The following DGKG variants were observed in gnomAD, a reference collection of about 807,000 sequenced individuals.
DGKG encodes the protein diacylglycerol kinase gamma.
Under a neutral mutation model 105.3 loss-of-function variants are expected in DGKG, and 78 were observed. That is an observed-to-expected ratio of 0.74 (90% CI 0.62 to 0.89). DGKG has a LOEUF of 0.89. DGKG is among the 40% of genes least tolerant of loss of function. The probability of loss-of-function intolerance (pLI) is 0.00; values close to 1 mark genes in which losing one functional copy is unlikely to be tolerated. For synonymous variants in DGKG, 346 were observed against 367.1 expected, an observed-to-expected ratio of 0.94 and a Z score of 0.66; for missense variants, 958 against 1,020.1, an observed-to-expected ratio of 0.94 and a Z score of 0.83.
intron 21 of DGKG, among the ~76,000 whole-genome samples, chr3:186,195,912 G>T (rs1718155154): frequency 6.6e-6 from 1 of 152,026 alleles, no homozygotes; most frequent in South Asian, 2.1e-4. Flanking sequence ...CACATAATTT[G>T]GTTGTCTCTT....
intron 21 of DGKG, among the ~76,000 whole-genome samples, chr3:186,199,169 T>TG (rs1044465077): frequency 1.3e-5 from 2 of 152,160 alleles, no homozygotes; most frequent in African/African-American, 4.8e-5. Flanking sequence ...CAGGATTATC[T>TG]GGATCTCTTG....
chr3:186,258,874 T>C (rs1721607918), intron 16 of DGKG, among the ~76,000 whole-genome samples: 1 of 152,216 alleles, frequency 6.6e-6, no homozygotes. Flanking sequence ...AGGGGGTTTC[T>C]ATGCTTCACC....
intron 5 of DGKG, among the ~76,000 whole-genome samples, chr3:186,289,218 C>T (rs1057191043): frequency 1.5e-4 from 23 of 152,124 alleles, no homozygotes; most frequent in African/African-American, 5.3e-4. Flanking sequence ...GGGAACATAC[C>T]CAACTTATAG....
intron 19 of DGKG, among the ~76,000 whole-genome samples, chr3:186,250,707 G>A (rs1461198937): frequency 6.6e-6 from 1 of 151,502 alleles, no homozygotes; most frequent in Admixed American, 6.6e-5. Flanking sequence ...CCACCACCAC[G>A]CTCGGCTAAT....
At chr3:186,285,735 A>G (rs1723034674) in intron 6 of DGKG, among the ~76,000 whole-genome samples, 1 of 147,558 alleles carries the variant, frequency 6.8e-6, no homozygotes, top group Non-Finnish European at 1.5e-5. Flanking sequence ...GCTGGAGTGC[A>G]ATGGCGCCAT....
chr3:186,158,494 C>T, intron 24 of DGKG: 1 of 968,264 alleles, frequency 1.0e-6, no homozygotes, highest in Non-Finnish European at 1.2e-6. Context: ...TTAGTAATTT[C>T]TAGCTTTATT....
rs759373053 is a variant in DGKG at position 186,265,316 on chromosome 3, G to C, written c.1210-10C>G. 2 of 1,613,950 alleles carry C rather than the reference G, an allele frequency of 1.2e-6. No homozygotes were observed. The highest frequency in any genetic ancestry group is 1.7e-6 in the Non-Finnish European group (2 of 1,179,816). On this transcript the variant is annotated splice_polypyrimidine_tract_variant and intron_variant, in intron 13 of 24. Transcript: ENST00000265022. ...TCTCACCTGGCCTGTCCTGTGACAAGAAAGGAAAGACAAGCATCTTTTGGA... is the reference window on the plus strand; with the variant it reads ...TCTCACCTGGCCTGTCCTGTGACAACAAAGGAAAGACAAGCATCTTTTGGA...
intron 20 of DGKG, among the ~76,000 whole-genome samples, chr3:186,228,493 G>A (rs1036259247): frequency 2.0e-5 from 3 of 152,082 alleles, no homozygotes; most frequent in Non-Finnish European, 4.4e-5. Context: ...CTTACTGATG[G>A]ATACCCTCAC....
chr3:186,262,817 C>G (rs1265498304), intron 14 of DGKG, among the ~76,000 whole-genome samples: 1 of 152,112 alleles, frequency 6.6e-6, no homozygotes, highest in Non-Finnish European at 1.5e-5. Context: ...ATGCCCACTT[C>G]CTTCTTTGCA....
chr3:186,282,377 A>G (rs2108596829), intron 7 of DGKG, among the ~76,000 whole-genome samples: 1 of 152,384 alleles, frequency 6.6e-6, no homozygotes, highest in East Asian at 1.9e-4. Flanking sequence ...AGGTTGAATC[A>G]GATAACTCTT....
At chr3:186,299,800 T>TCTTTCTTC (rs1560141826) in intron 3 of DGKG, among the ~76,000 whole-genome samples, 3 of 94,104 alleles carry the variant, frequency 3.2e-5, no homozygotes, top group African/African-American at 1.3e-4. Flanking sequence ...TTTCTTTCTT[T>TCTTTCTTC]CTTTCTTTCT....
chr3:186,343,282 C>A (rs1471300503), intron 1 of DGKG, among the ~76,000 whole-genome samples: 1 of 152,066 alleles, frequency 6.6e-6, no homozygotes, highest in Admixed American at 6.6e-5. Flanking sequence ...CAAATCTAAT[C>A]TTCTTTCTTT....
chr3:186,147,569 C>G lies in DGKG; in HGVS notation c.*2521G>C, dbSNP rs1044094854. On this transcript the variant is annotated 3_prime_UTR_variant, in exon 25 of 25. Transcript: ENST00000265022. The stretch of plus-strand genomic sequence containing the variant: ...GCAATTCCACTGAAGTTGTTATACT[C>G]CATGCCTCTAAGAAGGACTTGGGAT... The G allele has an allele frequency of 2.0e-6, 2 of 985,386 alleles. 1 individual carries two copies. The highest frequency in any genetic ancestry group is 2.4e-6 in the Non-Finnish European group (2 of 829,920). The allele number at this position is 985,386 out of a possible 1,614,324, so 61.0% of individuals were successfully genotyped here.
intron 21 of DGKG, among the ~76,000 whole-genome samples, chr3:186,209,093 C>CTTTTTTTTTTTTTTTTTTTTTTTTTTTT (rs34226259): frequency 1.1e-5 from 1 of 89,838 alleles, no homozygotes; most frequent in African/African-American, 4.8e-5. Context: ...GTTTACTCTT[C>CTTTTTTTTTTTTTTTTTTTTTTTTTTTT]TTTTTTTTTT....
rs746564333 is a variant in DGKG, at chr3:186,188,230, G to A, written c.2067C>T (p.Asp689=). The A allele has an allele frequency of 3.7e-6, 6 of 1,614,018 alleles. No individual in the cohort carries two copies. Among genetic ancestry groups the A allele is most frequent in the South Asian group, 3.3e-5 (3 of 91,086 alleles). The change falls in exon 22 of 25, where the codon GAC becomes GAT. Residue 689 remains aspartate, a synonymous_variant. Coordinates refer to ENST00000265022, the MANE Select transcript of DGKG (RefSeq NM_001346.3). ...GAACGCAGAATTTCAGTTCTTTGGG[G>A]TCAGTGACACCCTTCCTGCTTTCCC... ...VIRESRKGVT[D]PKELKFCVQD... is the part of the protein sequence containing the mutation.
In DGKG at chr3:186,282,244, A is replaced by C. The variant is rs114371260; in HGVS notation, c.595-1500T>G. 8.6e-3 allele frequency among the ~76,000 whole-genome samples: 1,313 copies of C among 152,112 alleles called. 17 individuals are homozygous for C. The highest frequency in any genetic ancestry group is 0.029 in the African/African-American group (1,223 of 41,490). On this transcript the variant is annotated intron_variant, in intron 7 of 24. Coordinates refer to ENST00000265022, the MANE Select transcript of DGKG (RefSeq NM_001346.3). Reference sequence around the variant, plus strand: ...GGAGCAGAAGCAGGTTTTGAGTTGAAAACGATTCCCCACCACAAAGAGGAG... The same window carrying C: ...GGAGCAGAAGCAGGTTTTGAGTTGACAACGATTCCCCACCACAAAGAGGAG...
intron 20 of DGKG, among the ~76,000 whole-genome samples, chr3:186,241,867 C>T (rs571186925): frequency 6.6e-6 from 1 of 152,320 alleles, no homozygotes; most frequent in African/African-American, 2.4e-5. Flanking sequence ...TTTGCTTTCT[C>T]TTGCAAATGA....
intron 19 of DGKG, among the ~76,000 whole-genome samples, chr3:186,246,624 C>G (rs1394573393): frequency 1.3e-5 from 2 of 152,184 alleles, no homozygotes; most frequent in Non-Finnish European, 2.9e-5. Flanking sequence ...AGACCCTTGT[C>G]CACGTCCCTC....
chr3:186,331,023 A>T (rs1303169965), intron 1 of DGKG, among the ~76,000 whole-genome samples: 2 of 152,228 alleles, frequency 1.3e-5, no homozygotes, highest in East Asian at 3.8e-4. Flanking sequence ...ACTGCAACTT[A>T]TTCATGTCTT....
Sources: allele counts gnomAD v4.1 joint callset (sites outside exome capture counted in the v4.1 genomes callset), GRCh38; gene constraint gnomAD v4.1.1; transcripts MANE v1.5; gene names NCBI Gene and HGNC (gene_info 2026-07-23, HGNC 2026-07-21).